Variants in TMEM132D observed in about 807,000 individuals in gnomAD.
TMEM132D encodes mature OL transmembrane protein.
TMEM132D carries 21 observed loss-of-function variants against 62.3 expected under a neutral mutation model. That is an observed-to-expected ratio of 0.34 (90% CI 0.24 to 0.49). The LOEUF is 0.49. Among genes scored for constraint, TMEM132D ranks in the 20% least tolerant of loss-of-function variants. The pLI, the probability that TMEM132D is intolerant of heterozygous loss-of-function variation, is 0.99. For missense variants in TMEM132D, 1,346 were observed against 1,402.8 expected (o/e 0.96, Z 0.65); for synonymous variants, 621 against 575.6 (o/e 1.08, Z -1.13).
intron 2 of TMEM132D, among the ~76,000 whole-genome samples, chr12:129,641,847 A>C (rs1209723062): frequency 6.6e-6 from 1 of 152,186 alleles, no homozygotes; most frequent in Admixed American, 6.5e-5. Context: ...CAAGTCCTGC[A>C]GCAGCGCATC....
At chr12:129,794,521 T>A (rs1262198435) in intron 1 of TMEM132D, among the ~76,000 whole-genome samples, 1 of 152,200 alleles carries the variant, frequency 6.6e-6, no homozygotes, top group East Asian at 1.9e-4. Context: ...TTTTGTTAAG[T>A]TAACCTTAAA....
At chr12:129,133,083 A>G (rs914354621) in intron 5 of TMEM132D, among the ~76,000 whole-genome samples, 1 of 152,178 alleles carries the variant, frequency 6.6e-6, no homozygotes, top group Non-Finnish European at 1.5e-5. Context: ...AGACATCCTC[A>G]GGCTGTGCTG....
intron 3 of TMEM132D, among the ~76,000 whole-genome samples, chr12:129,476,645 T>C (rs1874266034): frequency 6.6e-6 from 1 of 152,112 alleles, no homozygotes; most frequent in African/African-American, 2.4e-5. Flanking sequence ...CCTGCCAAGT[T>C]GAAATACCAT....
chr12:129,187,461 G>A (rs945910827), intron 5 of TMEM132D, among the ~76,000 whole-genome samples: 1 of 152,228 alleles, frequency 6.6e-6, no homozygotes, highest in Non-Finnish European at 1.5e-5. Flanking sequence ...GGATGTGGTA[G>A]TGGAAGAGCA....
rs146469067 is a variant in TMEM132D at position 129,742,339 on chromosome 12, G to A, written c.80-41641C>T. On this transcript the variant is annotated intron_variant, in intron 1 of 8. Coordinates refer to ENST00000422113, the MANE Select transcript of TMEM132D (RefSeq NM_133448.3). ...AGGAAGCTCTTCCTCATGGTGGAAG[G>A]TGAAGAGGGAGCCAACATGTCACAT... 5.0e-3 allele frequency among the ~76,000 whole-genome samples: 765 copies of A among 152,254 alleles called. 17 individuals are homozygous for A. Among genetic ancestry groups the A allele is most frequent in the Admixed American group, 0.025 (375 of 15,288 alleles).
chr12:129,319,951 A>T (rs1272597579), intron 4 of TMEM132D, among the ~76,000 whole-genome samples: 2 of 152,208 alleles, frequency 1.3e-5, no homozygotes, highest in Non-Finnish European at 1.5e-5. Flanking sequence ...CAGTGAGATG[A>T]TATTTTAGAG....
At chr12:129,484,647 G>A (rs1874529402) in intron 3 of TMEM132D, among the ~76,000 whole-genome samples, 2 of 152,244 alleles carry the variant, frequency 1.3e-5, no homozygotes, top group Non-Finnish European at 2.9e-5. Flanking sequence ...AGAAACAATG[G>A]AATCTTCTTT....
intron 5 of TMEM132D, among the ~76,000 whole-genome samples, chr12:129,180,378 T>G (rs1878032535): frequency 6.6e-6 from 1 of 152,204 alleles, no homozygotes; most frequent in African/African-American, 2.4e-5. Flanking sequence ...GATGAGTCCC[T>G]GCCTCACTCA....
intron 3 of TMEM132D, among the ~76,000 whole-genome samples, chr12:129,375,924 C>G (rs79141648): frequency 0.064 from 9,805 of 152,210 alleles, 388 homozygotes; most frequent in South Asian, 0.12. Flanking sequence ...TTAAATCGAT[C>G]TGGACTATAG....
rs1011121342 is a variant in TMEM132D at position 129,870,374 on chromosome 12, G to C, written c.79+32887C>G. On this transcript the variant is annotated intron_variant, in intron 1 of 8. Transcript: ENST00000422113. Reference sequence around the variant, plus strand: ...ACAGCACCACAAAGACCATGCATGGGTTTACAGTTCCACTCCCCAAACCCC... The same window carrying C: ...ACAGCACCACAAAGACCATGCATGGCTTTACAGTTCCACTCCCCAAACCCC... 1.5e-4 allele frequency among the ~76,000 whole-genome samples: 23 copies of C among 152,206 alleles called. 1 individual carries two copies. Among genetic ancestry groups the C allele is most frequent in the South Asian group, 1.2e-3 (6 of 4,822 alleles).
chr12:129,502,174 T>G lies in TMEM132D; in HGVS notation c.1115+28885A>C, dbSNP rs559393824. Among the ~76,000 whole-genome samples, 287 of 152,198 alleles carry G rather than the reference T, an allele frequency of 1.9e-3. 3 individuals carry two copies. Among genetic ancestry groups the G allele is most frequent in the South Asian group, 0.011 (52 of 4,828 alleles). On this transcript the variant is annotated intron_variant, in intron 3 of 8. Transcript: ENST00000422113. Reference sequence around the variant, plus strand: ...GTCACCACGCCCGGCTAATTTTTTGTATTTTTAGTAGAGACGGGGTTTCAC... The same window carrying G: ...GTCACCACGCCCGGCTAATTTTTTGGATTTTTAGTAGAGACGGGGTTTCAC...
chr12:129,791,215 T>A (rs1212940708), intron 1 of TMEM132D, among the ~76,000 whole-genome samples: 24 of 152,170 alleles, frequency 1.6e-4, no homozygotes, highest in Non-Finnish European at 3.5e-4. Flanking sequence ...GCAGGTCCTA[T>A]CTCATTAGAA....
At chr12:129,351,854 A>G (rs1246778388) in intron 3 of TMEM132D, among the ~76,000 whole-genome samples, 2 of 152,224 alleles carry the variant, frequency 1.3e-5, no homozygotes, top group African/African-American at 4.8e-5. Flanking sequence ...GGAGTTAAGA[A>G]CAACCCTCAC....
intron 2 of TMEM132D, among the ~76,000 whole-genome samples, chr12:129,584,998 C>G (rs890895001): frequency 2.6e-5 from 4 of 152,036 alleles, no homozygotes; most frequent in Non-Finnish European, 5.9e-5. Context: ...TGGCAGTTTC[C>G]TCGATTGCAA....
At chr12:129,323,724 C>T (rs1283665632) in intron 4 of TMEM132D, among the ~76,000 whole-genome samples, 1 of 152,190 alleles carries the variant, frequency 6.6e-6, no homozygotes, top group African/African-American at 2.4e-5. Context: ...TGACCAGCTA[C>T]ACTGGACAGG....
At chr12:129,560,961 C>T (rs142107179) in intron 2 of TMEM132D, among the ~76,000 whole-genome samples, 1 of 152,258 alleles carries the variant, frequency 6.6e-6, no homozygotes, top group African/African-American at 2.4e-5. Context: ...GAAGTATGAA[C>T]TACTTCTCTG....
At chr12:129,373,358 C>T (rs779556476) in intron 3 of TMEM132D, among the ~76,000 whole-genome samples, 23 of 152,254 alleles carry the variant, frequency 1.5e-4, no homozygotes, top group African/African-American at 4.1e-4. Context: ...TTAAGCCAGG[C>T]GCGGTGGCTC....
chr12:129,887,036 T>G (rs1874771181), intron 1 of TMEM132D, among the ~76,000 whole-genome samples: 1 of 152,206 alleles, frequency 6.6e-6, no homozygotes, highest in South Asian at 2.1e-4. Flanking sequence ...CTCGGGTACG[T>G]CCTCATAGCA....
intron 4 of TMEM132D, among the ~76,000 whole-genome samples, chr12:129,231,722 G>C (rs1371542872): frequency 6.6e-6 from 1 of 152,196 alleles, no homozygotes; most frequent in African/African-American, 2.4e-5. Flanking sequence ...ATCCCCACCG[G>C]GCTATGGGTT....
Sources: allele counts gnomAD v4.1 joint callset (sites outside exome capture counted in the v4.1 genomes callset), GRCh38; gene constraint gnomAD v4.1.1; transcripts MANE v1.5; gene names NCBI Gene and HGNC (gene_info 2026-07-23, HGNC 2026-07-21).